Variants in ZNF536 observed in about 807,000 individuals in gnomAD.
ZNF536 encodes the protein zinc finger protein 536.
Under a neutral mutation model 84.5 loss-of-function variants are expected in ZNF536, and 13 were observed. That is an observed-to-expected ratio of 0.15 (90% CI 0.10 to 0.24). The LOEUF (loss-of-function observed/expected upper bound fraction) is 0.24. Among genes scored for constraint, ZNF536 ranks in the 10% least tolerant of loss-of-function variants. ZNF536 has a pLI of 1.00. For synonymous variants in ZNF536, 811 were observed against 742.5 expected, an observed-to-expected ratio of 1.09 and a Z score of -1.50; for missense variants, 1,536 against 1,747.5, an observed-to-expected ratio of 0.88 and a Z score of 2.16.
Position 30,427,256 on chromosome 19 carries a change from A to C in ZNF536, c.-2-16305A>C, listed in dbSNP as rs115286478. 4.9e-3 allele frequency among the ~76,000 whole-genome samples: 748 copies of C among 152,340 alleles called. 4 individuals carry two copies. Among genetic ancestry groups the C allele is most frequent in the African/African-American group, 0.015 (617 of 41,576 alleles). On this transcript the variant is annotated intron_variant, in intron 1 of 4. Coordinates refer to ENST00000355537, the MANE Select transcript of ZNF536 (RefSeq NM_014717.3). Reference sequence around the variant, plus strand: ...TCAAGGAACATCTCTGTGCAAGGACAGAAGGTGTGGACAACTCTCATTCAT... The same window carrying C: ...TCAAGGAACATCTCTGTGCAAGGACCGAAGGTGTGGACAACTCTCATTCAT...
At position 30,432,676 on chromosome 19, in the gene ZNF536, G is replaced by A. The variant is rs370562046; in HGVS notation, c.-2-10885G>A. On this transcript the variant is annotated intron_variant, in intron 1 of 4. Coordinates refer to ENST00000355537, the MANE Select transcript of ZNF536 (RefSeq NM_014717.3). ...CAAGAGCTTTGACCTTCCGATGTTT[G>A]GTTTGTGGTCCAGGAGTTTATTTTC... Among the ~76,000 whole-genome samples the A allele has an allele frequency of 4.5e-4, 69 of 152,302 alleles. 2 individuals carry two copies. The South Asian group carries it at 0.014, about 31-fold the overall frequency.
At chr19:30,669,673 A>G (rs1042437432) in intron 1 of ZNF536, among the ~76,000 whole-genome samples, 2 of 152,162 alleles carry the variant, frequency 1.3e-5, no homozygotes, top group Non-Finnish European at 2.9e-5. Context: ...TAAAACCTGA[A>G]AGAAGCTTGC....
intron 1 of ZNF536, among the ~76,000 whole-genome samples, chr19:30,647,352 C>T (rs187915182): frequency 2.0e-5 from 3 of 152,210 alleles, no homozygotes. Flanking sequence ...GTGCTTCTCC[C>T]GTTTCCCTGG....
rs2045648298 is a variant in ZNF536 at position 30,548,595 on chromosome 19, A to T, written c.2976A>T (p.Val992=). 6.2e-7 allele frequency: 1 copy of T among 1,614,024 alleles called. No homozygotes were observed. Among genetic ancestry groups the T allele is most frequent in the Admixed American group, 1.7e-5 (1 of 60,010 alleles). ...CCGCCTCCCTCCCGGGCTCCTCGGT[A>T]ACTGTGCAGGACAGCATTGCATGGC... ...PDAASLPGSS[V]TVQDSIAWHG... is the part of the protein sequence containing the mutation. The change falls in exon 4 of 5, where the codon GTA becomes GTT. Residue 992 remains valine (V), a synonymous_variant. Coordinates refer to ENST00000355537, the MANE Select transcript of ZNF536 (RefSeq NM_014717.3).
At chr19:30,380,734 G>T (rs982929401) in intron 1 of ZNF536, among the ~76,000 whole-genome samples, 5 of 152,144 alleles carry the variant, frequency 3.3e-5, no homozygotes, top group Non-Finnish European at 7.3e-5. Context: ...TCCTGAAGGA[G>T]GAGTGTGTGG....
intron 1 of ZNF536, among the ~76,000 whole-genome samples, chr19:30,389,292 C>T (rs1000583359): frequency 1.3e-5 from 2 of 152,114 alleles, no homozygotes; most frequent in African/African-American, 2.4e-5. Flanking sequence ...GTATAGGGTA[C>T]ATTTGGGGAG....
intron 1 of ZNF536, among the ~76,000 whole-genome samples, chr19:30,583,566 A>T (rs1734193144): frequency 6.6e-6 from 1 of 152,206 alleles, no homozygotes; most frequent in Non-Finnish European, 1.5e-5. Flanking sequence ...AGTGCCCCAC[A>T]CTTGAACACT....
chr19:30,600,393 C>T (rs371768748), intron 1 of ZNF536, among the ~76,000 whole-genome samples: 59 of 152,192 alleles, frequency 3.9e-4, no homozygotes, highest in African/African-American at 1.3e-3. Context: ...CGCACCTGGC[C>T]GGCTGTTTAT....
intron 2 of ZNF536, among the ~76,000 whole-genome samples, chr19:30,296,850 C>T (rs1016923482): frequency 2.0e-5 from 3 of 152,186 alleles, no homozygotes; most frequent in Admixed American, 6.5e-5. Flanking sequence ...AGCATCCTTT[C>T]GCCCTCATGG....
intron 1 of ZNF536, among the ~76,000 whole-genome samples, chr19:30,233,458 T>A (rs2023233037): frequency 6.6e-6 from 1 of 151,978 alleles, no homozygotes; most frequent in Non-Finnish European, 1.5e-5. Context: ...CCTCCCACTT[T>A]AGCCTCCTGA....
intron 2 of ZNF536, among the ~76,000 whole-genome samples, chr19:30,533,969 A>G (rs2044966237): frequency 6.6e-6 from 1 of 152,246 alleles, no homozygotes; most frequent in African/African-American, 2.4e-5. Context: ...GCAATAACAT[A>G]TCCTCCAACC....
intron 1 of ZNF536, among the ~76,000 whole-genome samples, chr19:30,250,296 C>T (rs1462384045): frequency 2.0e-5 from 3 of 152,208 alleles, no homozygotes; most frequent in African/African-American, 7.2e-5. Flanking sequence ...AGACCCTAAC[C>T]CTTTCCCCTC....
chr19:30,469,037 A>T (rs1472009329), intron 2 of ZNF536, among the ~76,000 whole-genome samples: 4 of 151,920 alleles, frequency 2.6e-5, no homozygotes. Flanking sequence ...GCCCTGGGGG[A>T]CTGCTGCAGA....
intron 2 of ZNF536, among the ~76,000 whole-genome samples, chr19:30,304,307 G>A (rs550536346): frequency 2.2e-4 from 33 of 152,308 alleles, no homozygotes; most frequent in Non-Finnish European, 4.0e-4. Context: ...AATGGAGCTC[G>A]AACCATTGGA....
chr19:30,598,914 C>T (rs2047559034), intron 1 of ZNF536, among the ~76,000 whole-genome samples: 1 of 150,792 alleles, frequency 6.6e-6, no homozygotes, highest in Non-Finnish European at 1.5e-5. Context: ...GCCTCTCTCA[C>T]TCCTTCTTCC....
intron 2 of ZNF536, among the ~76,000 whole-genome samples, chr19:30,311,025 C>T (rs577790480): frequency 2.0e-5 from 3 of 152,262 alleles, no homozygotes; most frequent in African/African-American, 7.2e-5. Context: ...CCTGGCCTGA[C>T]GCTTGGATCC....
At chr19:30,232,162 C>T (rs1599817190) in intron 1 of ZNF536, among the ~76,000 whole-genome samples, 1 of 152,070 alleles carries the variant, frequency 6.6e-6, no homozygotes, top group Admixed American at 6.5e-5. Flanking sequence ...GTGGGGGCCT[C>T]CCCCGGCCAG....
intron 2 of ZNF536, among the ~76,000 whole-genome samples, chr19:30,326,369 A>G (rs145589753): frequency 2.0e-5 from 3 of 152,308 alleles, no homozygotes; most frequent in African/African-American, 7.2e-5. Flanking sequence ...TGCAGGGAGA[A>G]AAGGGTGCGG....
chr19:30,551,507 C>T (rs1270496661), intron 4 of ZNF536, among the ~76,000 whole-genome samples: 7 of 152,120 alleles, frequency 4.6e-5, no homozygotes, highest in Non-Finnish European at 7.3e-5. Flanking sequence ...ATGTGCAAAC[C>T]GTGTTGCCCA....
Sources: allele counts gnomAD v4.1 joint callset (sites outside exome capture counted in the v4.1 genomes callset), GRCh38; gene constraint gnomAD v4.1.1; transcripts MANE v1.5; gene names NCBI Gene and HGNC (gene_info 2026-07-23, HGNC 2026-07-21).